Variants in MRPS27 observed in about 807,000 individuals in gnomAD.
MRPS27 encodes the protein mitochondrial ribosomal protein S27, also known as small ribosomal subunit protein mS27.
Under a neutral mutation model 48.9 loss-of-function variants are expected in MRPS27, and 43 were observed. The observed-to-expected ratio is 0.88, with a 90% CI of 0.69 to 1.13. The LOEUF (loss-of-function observed/expected upper bound fraction) is 1.13, where lower values mean the gene tolerates loss of function less well. MRPS27 is among the 50% of genes most tolerant of loss of function. The probability of loss-of-function intolerance (pLI) is 0.00; values close to 1 mark genes in which losing one functional copy is unlikely to be tolerated. For synonymous variants in MRPS27, 188 were observed against 171.9 expected, an observed-to-expected ratio of 1.09 and a Z score of -0.73; for missense variants, 467 against 476.3, an observed-to-expected ratio of 0.98 and a Z score of 0.18.
intron 6 of MRPS27, 55 bp downstream of exon 6, chr5:72,234,064 C>G: frequency 4.2e-6 from 6 of 1,416,818 alleles, no homozygotes; most frequent in Non-Finnish European, 5.5e-6. Flanking sequence ...ATTTGTACAC[C>G]TCCCTTTGGG....
rs70999273 is a variant in MRPS27, at chr5:72,255,029, C to CTTTTTT, written c.282-16907_282-16902dup. The stretch of plus-strand genomic sequence containing the variant: ...ATCTAAAATGTAACACATTTCTTTT[C>CTTTTTT]TTTTTTTTTTTTTTTTTTTTTTTTT... On this transcript the variant is annotated intron_variant, in intron 4 of 10. Coordinates refer to ENST00000261413, the MANE Select transcript of MRPS27 (RefSeq NM_015084.3). Among the ~76,000 whole-genome samples the CTTTTTT allele has an allele frequency of 2.1e-3, 154 of 72,110 alleles. 3 individuals are homozygous for CTTTTTT. The highest frequency in any genetic ancestry group is 3.5e-3 in the Non-Finnish European group (126 of 36,172). 47.3% of individuals were successfully genotyped at this position (72,110 alleles called of 152,430 possible).
chr5:72,258,568 C>T (rs115414383), intron 4 of MRPS27, among the ~76,000 whole-genome samples: 63 of 152,198 alleles, frequency 4.1e-4, no homozygotes, highest in African/African-American at 1.4e-3. Flanking sequence ...TCCTCATGAA[C>T]GGACTAATGC....
chr5:72,295,233 A>G (rs2112060668), intron 4 of MRPS27: 1 of 210,004 alleles, frequency 4.8e-6, no homozygotes, highest in East Asian at 1.0e-4. Context: ...ATATATACTC[A>G]TGAAAATTAG....
intron 4 of MRPS27, among the ~76,000 whole-genome samples, chr5:72,265,135 C>A: frequency 6.6e-6 from 1 of 152,274 alleles, no homozygotes; most frequent in East Asian, 1.9e-4. Context: ...TTTTTAAGGA[C>A]CTTTGCTAAT....
chr5:72,291,056 A>C (rs1186702030), intron 4 of MRPS27, among the ~76,000 whole-genome samples: 2 of 152,210 alleles, frequency 1.3e-5, no homozygotes, highest in Non-Finnish European at 1.5e-5. Context: ...GGGCCTGTCC[A>C]AATCTTCTCA....
chr5:72,252,315 T>C (rs1163099699), intron 4 of MRPS27, among the ~76,000 whole-genome samples: 3 of 144,960 alleles, frequency 2.1e-5, no homozygotes, highest in Non-Finnish European at 4.4e-5. Context: ...AAATGTAGCA[T>C]ACTAAAGAAC....
At chr5:72,225,199 G>A (rs530872611) in intron 9 of MRPS27, among the ~76,000 whole-genome samples, 1 of 152,220 alleles carries the variant, frequency 6.6e-6, no homozygotes, top group South Asian at 2.1e-4. Flanking sequence ...GTCTGGCAAA[G>A]AGCATAATGA....
Position 72,234,186 on chromosome 5 carries a change from T to C in MRPS27, c.408A>G (p.Gly136=). Residue 136 remains glycine, a synonymous_variant, in exon 6 of 11, where the codon GGA becomes GGG. Transcript: ENST00000261413. ...LYTLVNKVQY[G]IFPDNFTFNL... ...TGAATGTAAAGTTATCTGGAAAAAT[T>C]CCATATTGAACCTATAATGAAAATG... The C allele has an allele frequency of 6.6e-7, 1 of 1,505,448 alleles. No individual in the cohort carries two copies. Among genetic ancestry groups the C allele is most frequent in the South Asian group, 1.4e-5 (1 of 72,548 alleles). 93.3% of individuals were successfully genotyped at this position (1,505,448 alleles called of 1,614,324 possible). A position where few individuals can be genotyped will look rare whatever the true frequency, so the allele number is the denominator to read the frequency against.
At chr5:72,280,342 G>A (rs1026701692) in intron 4 of MRPS27, among the ~76,000 whole-genome samples, 2 of 151,954 alleles carry the variant, frequency 1.3e-5, no homozygotes, top group African/African-American at 4.8e-5. Context: ...AAATAAAATG[G>A]AAAGATATAC....
At chr5:72,248,104 A>G (rs1748554511) in intron 4 of MRPS27, among the ~76,000 whole-genome samples, 2 of 152,260 alleles carry the variant, frequency 1.3e-5, no homozygotes, top group South Asian at 4.1e-4. Context: ...AAAACTCAGT[A>G]TGACTATAAT....
intron 4 of MRPS27, among the ~76,000 whole-genome samples, chr5:72,246,457 C>T (rs1440157022): frequency 6.6e-6 from 1 of 152,118 alleles, no homozygotes; most frequent in African/African-American, 2.4e-5. Flanking sequence ...AGACAAGCTG[C>T]TAGGAGAGTG....
chr5:72,230,704 G>A (rs1252814565), intron 7 of MRPS27, among the ~76,000 whole-genome samples: 3 of 152,132 alleles, frequency 2.0e-5, no homozygotes, highest in South Asian at 2.1e-4. Context: ...GTGAAATCTC[G>A]TGACTGTCTC....
At chr5:72,292,203 G>GTTTTT (rs1213885749) in intron 4 of MRPS27, among the ~76,000 whole-genome samples, 2 of 92,136 alleles carry the variant, frequency 2.2e-5, no homozygotes, top group African/African-American at 8.9e-5. Flanking sequence ...GGTATTACCA[G>GTTTTT]TTTTTTTTTT....
chr5:72,269,515 A>C (rs1377436670), intron 4 of MRPS27, among the ~76,000 whole-genome samples: 1 of 152,258 alleles, frequency 6.6e-6, no homozygotes, highest in Non-Finnish European at 1.5e-5. Context: ...GCAAGCTATA[A>C]TAATTAAAAC....
At chr5:72,241,746 G>T in intron 4 of MRPS27, 2 of 1,498,590 alleles carry the variant, frequency 1.3e-6, no homozygotes, top group South Asian at 1.2e-5. Flanking sequence ...TTTCCAATTT[G>T]CCTGCAAACA....
chr5:72,241,447 A>ATT (rs1748347395), intron 4 of MRPS27: 11 of 559,140 alleles, frequency 2.0e-5, no homozygotes, highest in Admixed American at 1.3e-4. Flanking sequence ...ATCAGCATTA[A>ATT]AAAGATAAAC....
intron 4 of MRPS27, among the ~76,000 whole-genome samples, chr5:72,290,841 T>G (rs747264229): frequency 1.3e-5 from 2 of 152,230 alleles, no homozygotes; most frequent in Non-Finnish European, 2.9e-5. Flanking sequence ...TTATGCCCAC[T>G]GAACAGACAT....
At chr5:72,265,026 T>C (rs1749074663) in intron 4 of MRPS27, among the ~76,000 whole-genome samples, 1 of 152,064 alleles carries the variant, frequency 6.6e-6, no homozygotes. Flanking sequence ...CTTGAGAAAA[T>C]TATTCTAACC....
chr5:72,225,926 G>T (rs780850093), intron 9 of MRPS27, 131 bp downstream of exon 9: 1 of 1,037,722 alleles, frequency 9.6e-7, no homozygotes, highest in Non-Finnish European at 1.3e-6. Flanking sequence ...GCATTTTTTC[G>T]ACTTGATAAA....
Sources: allele counts gnomAD v4.1 joint callset (sites outside exome capture counted in the v4.1 genomes callset), GRCh38; gene constraint gnomAD v4.1.1; transcripts MANE v1.5; gene names NCBI Gene and HGNC (gene_info 2026-07-23, HGNC 2026-07-21).